Variants in FOXP2 observed in about 807,000 individuals in gnomAD.
FOXP2 encodes forkhead box protein P2.
FOXP2 carries 12 observed loss-of-function variants against 115.8 expected under a neutral mutation model. That is an observed-to-expected ratio of 0.10 (90% CI 0.07 to 0.17). The LOEUF is 0.17. FOXP2 is among the 10% of genes least tolerant of loss of function. FOXP2 has a pLI of 1.00. For synonymous variants in FOXP2, 328 were observed against 297.7 expected, an observed-to-expected ratio of 1.10 and a Z score of -1.05; for missense variants, 629 against 843.5, an observed-to-expected ratio of 0.75 and a Z score of 3.15.
intron 1 of FOXP2, among the ~76,000 whole-genome samples, chr7:114,257,180 A>G (rs189126365): frequency 6.6e-6 from 1 of 152,340 alleles, no homozygotes; most frequent in Admixed American, 6.5e-5. Flanking sequence ...ACCTGACAAA[A>G]ACAAGCAATG....
intron 2 of FOXP2, among the ~76,000 whole-genome samples, chr7:114,530,757 T>C (rs1799106782): frequency 6.6e-6 from 1 of 151,876 alleles, no homozygotes; most frequent in South Asian, 2.1e-4. Context: ...ATAAAATTAC[T>C]ACTAGTGAAG....
intron 3 of FOXP2, among the ~76,000 whole-genome samples, chr7:114,536,293 C>T (rs1243608202): frequency 1.3e-5 from 2 of 151,126 alleles, no homozygotes; most frequent in Admixed American, 6.6e-5. Flanking sequence ...TAGAGGAATT[C>T]GCAGTTGCTT....
intron 3 of FOXP2, among the ~76,000 whole-genome samples, chr7:114,618,969 A>C (rs1209424907): frequency 6.6e-6 from 1 of 152,146 alleles, no homozygotes; most frequent in Non-Finnish European, 1.5e-5. Context: ...CCTGAGGATA[A>C]CTGAGTGACA....
chr7:114,263,983 C>T (rs1795827744), intron 1 of FOXP2, among the ~76,000 whole-genome samples: 1 of 152,018 alleles, frequency 6.6e-6, no homozygotes, highest in South Asian at 2.1e-4. Context: ...CCTTCAGGAA[C>T]ACTGGATGTA....
At chr7:114,479,065 A>G (rs1445227355) in intron 2 of FOXP2, among the ~76,000 whole-genome samples, 1 of 151,862 alleles carries the variant, frequency 6.6e-6, no homozygotes, top group Non-Finnish European at 1.5e-5. Flanking sequence ...ATCGCAAGTA[A>G]TAAGGCATCA....
intron 1 of FOXP2, among the ~76,000 whole-genome samples, chr7:114,217,637 G>A (rs1324034746): frequency 6.6e-6 from 1 of 152,138 alleles, no homozygotes; most frequent in Non-Finnish European, 1.5e-5. Context: ...CAAACAATCT[G>A]GTGTAACTGT....
chr7:114,598,287 C>G (rs566414191), intron 3 of FOXP2, among the ~76,000 whole-genome samples: 1 of 152,044 alleles, frequency 6.6e-6, no homozygotes, highest in East Asian at 1.9e-4. Flanking sequence ...CATACACTTT[C>G]ATATTTAGAT....
chr7:114,126,655 C>G (rs1012335049), intron 1 of FOXP2, among the ~76,000 whole-genome samples: 4 of 151,922 alleles, frequency 2.6e-5, no homozygotes, highest in Admixed American at 2.0e-4. Context: ...CAGTGAAAAC[C>G]CTTAAATTCA....
At chr7:114,203,392 G>A (rs141098798) in intron 1 of FOXP2, among the ~76,000 whole-genome samples, 2,621 of 152,220 alleles carry the variant, frequency 0.017, 28 homozygotes, top group Non-Finnish European at 0.027. Flanking sequence ...TAGTGCAGTG[G>A]TGCTATCTCA....
intron 3 of FOXP2, among the ~76,000 whole-genome samples, chr7:114,576,319 G>A (rs913516664): frequency 6.6e-6 from 1 of 151,802 alleles, no homozygotes; most frequent in Non-Finnish European, 1.5e-5. Context: ...CTCTCAGCTG[G>A]AATGTAAGCT....
At chr7:114,625,413 G>A (rs1339373929) in intron 3 of FOXP2, among the ~76,000 whole-genome samples, 2 of 151,616 alleles carry the variant, frequency 1.3e-5, no homozygotes, top group African/African-American at 2.4e-5. Flanking sequence ...AAATAGTTCC[G>A]TTAGTCTAAC....
chr7:114,404,824 G>C (rs921489933), intron 2 of FOXP2, among the ~76,000 whole-genome samples: 6 of 151,880 alleles, frequency 4.0e-5, no homozygotes, highest in African/African-American at 1.4e-4. Context: ...TGCCCTATCA[G>C]CTTGAACTGA....
chr7:114,172,202 A>G (rs1311758598), intron 1 of FOXP2, among the ~76,000 whole-genome samples: 1 of 152,204 alleles, frequency 6.6e-6, no homozygotes, highest in Non-Finnish European at 1.5e-5. Context: ...TGCACTGAAA[A>G]TACCAAAGAA....
chr7:114,172,604 G>A (rs957420533), intron 1 of FOXP2, among the ~76,000 whole-genome samples: 10 of 152,068 alleles, frequency 6.6e-5, no homozygotes, highest in African/African-American at 2.4e-4. Context: ...GGGGTTGTGG[G>A]AGAAGATATA....
chr7:114,593,241 G>GAA (rs146369221), intron 3 of FOXP2, among the ~76,000 whole-genome samples: 1 of 150,026 alleles, frequency 6.7e-6, no homozygotes, highest in African/African-American at 2.4e-5. Flanking sequence ...TAAGCAAAAA[G>GAA]AAAAAAAAAT....
At chr7:114,419,746 A>ACACC (rs1428837920) in intron 1 of FOXP2, 6 of 151,534 alleles carry the variant, frequency 4.0e-5, no homozygotes, top group African/African-American at 1.5e-4. Context: ...ACACACACAC[A>ACACC]CCCCAGAAAG....
At chr7:114,561,262 T>G (rs965378117) in intron 3 of FOXP2, 1 of 152,222 alleles carries the variant, frequency 6.6e-6, no homozygotes, top group Non-Finnish European at 1.5e-5. Context: ...AACTTTGAGT[T>G]GGTTTGCTAC....
intron 3 of FOXP2, among the ~76,000 whole-genome samples, chr7:114,546,811 G>A (rs562094715): frequency 7.9e-5 from 12 of 152,098 alleles, no homozygotes; most frequent in East Asian, 1.9e-4. Context: ...TAGCTCAATC[G>A]CAGACTCTAA....
chr7:114,347,306 T>C (rs1791370492), intron 2 of FOXP2, among the ~76,000 whole-genome samples: 1 of 151,976 alleles, frequency 6.6e-6, no homozygotes. Context: ...CATATGTCTA[T>C]ACAATACGCA....
Sources: gnomAD v4.1 joint callset for allele counts (sites outside exome capture counted in the v4.1 genomes callset) on GRCh38, gnomAD v4.1.1 for gene constraint, MANE v1.5 for transcripts, NCBI Gene and HGNC (gene_info 2026-07-23, HGNC 2026-07-21) for gene names.